BCL2L1: variants seen among roughly 807,000 people sequenced by gnomAD.
BCL2L1 encodes the protein bcl-2-like protein 1.
BCL2L1 carries 1 observed loss-of-function variant against 18.7 expected under a neutral mutation model. That is an observed-to-expected ratio of 0.05 (90% CI 0.02 to 0.25). The LOEUF (loss-of-function observed/expected upper bound fraction) is 0.25. BCL2L1 is among the 10% of genes least tolerant of loss of function. The pLI is 1.00. For missense variants in BCL2L1, 207 were observed against 304.9 expected (o/e 0.68, Z 2.39); for synonymous variants, 103 against 122.7 (o/e 0.84, Z 1.06).
At chr20:31,718,804 C>T (rs2061578880) in intron 2 of BCL2L1, among the ~76,000 whole-genome samples, 1 of 152,358 alleles carries the variant, frequency 6.6e-6, no homozygotes, top group South Asian at 2.1e-4. Flanking sequence ...TGCCAACTAT[C>T]CTTCCCATAG....
chr20:31,716,091 G>A (rs1483947205), intron 2 of BCL2L1, among the ~76,000 whole-genome samples: 1 of 152,148 alleles, frequency 6.6e-6, no homozygotes, highest in Non-Finnish European at 1.5e-5. Flanking sequence ...AGCTCAGGAT[G>A]CTATATAAGC....
chr20:31,718,982 T>C (rs916138047), intron 2 of BCL2L1, among the ~76,000 whole-genome samples: 1 of 152,244 alleles, frequency 6.6e-6, no homozygotes, highest in African/African-American at 2.4e-5. Flanking sequence ...TATGCCAACC[T>C]TGGTGTAAAT....
At chr20:31,688,171 G>A (rs768495690) in intron 2 of BCL2L1, among the ~76,000 whole-genome samples, 4 of 152,020 alleles carry the variant, frequency 2.6e-5, no homozygotes, top group Non-Finnish European at 4.4e-5. Context: ...TGGCCGGCGC[G>A]GTGGCTCACA....
chr20:31,674,874 C>CAAAAA (rs11372425), intron 2 of BCL2L1, among the ~76,000 whole-genome samples: 1 of 74,744 alleles, frequency 1.3e-5, no homozygotes, highest in Non-Finnish European at 2.9e-5. Context: ...GACCCCGTCT[C>CAAAAA]AAAAAAAAAA....
At chr20:31,687,676 CAAAAAAAA>C (rs60094670) in intron 2 of BCL2L1, among the ~76,000 whole-genome samples, 1 of 81,492 alleles carries the variant, frequency 1.2e-5, no homozygotes, top group Non-Finnish European at 2.5e-5. Context: ...GACTCTGTCT[CAAAAAAAA>C]AAAAAAAAAA....
intron 2 of BCL2L1, among the ~76,000 whole-genome samples, chr20:31,682,492 C>G (rs2122546576): frequency 6.6e-6 from 1 of 152,334 alleles, no homozygotes. Context: ...GTTGCCCAGG[C>G]TAGAGTGCAA....
chr20:31,715,255 GAGAA>G (rs965054181), intron 2 of BCL2L1, among the ~76,000 whole-genome samples: 7 of 146,508 alleles, frequency 4.8e-5, no homozygotes, highest in Admixed American at 1.4e-4. Context: ...CTGGGAGACA[GAGAA>G]AGACTCTGTC....
At chr20:31,701,472 AT>A (rs1441105166) in intron 2 of BCL2L1, among the ~76,000 whole-genome samples, 2 of 152,192 alleles carry the variant, frequency 1.3e-5, no homozygotes. Flanking sequence ...GTGTGAACTA[AT>A]TTTACTTTTG....
intron 2 of BCL2L1, among the ~76,000 whole-genome samples, chr20:31,717,328 C>G (rs1279316256): frequency 6.6e-6 from 1 of 152,098 alleles, no homozygotes; most frequent in Non-Finnish European, 1.5e-5. Context: ...TTCATGCAGC[C>G]CAAACAAATC....
intron 2 of BCL2L1, among the ~76,000 whole-genome samples, chr20:31,692,559 A>AG (rs1295116628): frequency 6.6e-6 from 1 of 151,840 alleles, no homozygotes; most frequent in East Asian, 2.0e-4. Context: ...GCAGATCACG[A>AG]GGTCAGGAGT....
At chr20:31,705,001 A>T (rs1385567764) in intron 2 of BCL2L1, among the ~76,000 whole-genome samples, 6 of 152,360 alleles carry the variant, frequency 3.9e-5, no homozygotes, top group Non-Finnish European at 7.3e-5. Flanking sequence ...TGGATAGACC[A>T]AAAACTACAG....
At chr20:31,694,030 G>A (rs1397939158) in intron 2 of BCL2L1, among the ~76,000 whole-genome samples, 1 of 152,128 alleles carries the variant, frequency 6.6e-6, no homozygotes. Context: ...TGCAGTGTCC[G>A]AAGGGTTAAG....
intron 2 of BCL2L1, among the ~76,000 whole-genome samples, chr20:31,711,151 G>C (rs1017951217): frequency 1.3e-4 from 20 of 152,322 alleles, no homozygotes; most frequent in African/African-American, 4.8e-4. Flanking sequence ...ACCTGGCACA[G>C]AGCAAGTAAC....
At chr20:31,667,115 G>A (rs1381768120) in intron 2 of BCL2L1, among the ~76,000 whole-genome samples, 1 of 152,030 alleles carries the variant, frequency 6.6e-6, no homozygotes, top group Admixed American at 6.6e-5. Flanking sequence ...TGTGTCAGTG[G>A]TGGAGCCAGA....
At chr20:31,713,579 A>G in intron 2 of BCL2L1, 1 of 985,342 alleles carries the variant, frequency 1.0e-6, no homozygotes, top group African/African-American at 1.7e-5. Context: ...AGTTCACTGT[A>G]AGGCTCAAGC....
At chr20:31,683,970 A>G (rs2060911890) in intron 2 of BCL2L1, among the ~76,000 whole-genome samples, 1 of 152,146 alleles carries the variant, frequency 6.6e-6, no homozygotes, top group African/African-American at 2.4e-5. Flanking sequence ...AATCAACATA[A>G]AATACACTGA....
chr20:31,669,211 CCAT>C (rs960377218), intron 2 of BCL2L1, among the ~76,000 whole-genome samples: 1 of 151,774 alleles, frequency 6.6e-6, no homozygotes, highest in Non-Finnish European at 1.5e-5. Context: ...GCACACACCA[CCAT>C]GCCTGGCTAA....
intron 2 of BCL2L1, among the ~76,000 whole-genome samples, chr20:31,719,385 C>T (rs924757827): frequency 1.3e-5 from 2 of 152,136 alleles, no homozygotes; most frequent in Non-Finnish European, 2.9e-5. Context: ...GATAATTACC[C>T]GATGCCACCA....
chr20:31,720,230 G>T (rs2061600961), intron 2 of BCL2L1: 1 of 901,714 alleles, frequency 1.1e-6, no homozygotes, highest in Non-Finnish European at 1.3e-6. Flanking sequence ...TGAGAGAGGG[G>T]GTGGGGTTCC....
Sources: gnomAD v4.1 joint callset for allele counts (sites outside exome capture counted in the v4.1 genomes callset) on GRCh38, gnomAD v4.1.1 for gene constraint, MANE v1.5 for transcripts, NCBI Gene and HGNC (gene_info 2026-07-23, HGNC 2026-07-21) for gene names.